The following ZNF485 variants were observed in gnomAD, a reference collection of about 807,000 sequenced individuals.
ZNF485 encodes the protein Zinc finger protein 93 (Zinc finger protein HTF34).
Under a neutral mutation model 10.8 loss-of-function variants are expected in ZNF485, and 9 were observed. The ratio of observed to expected loss-of-function variants is 0.83; its 90% CI spans 0.50 to 1.45. The LOEUF (loss-of-function observed/expected upper bound fraction) is 1.45, where lower values mean the gene tolerates loss of function less well. Among genes scored for constraint, ZNF485 ranks in the 40% most tolerant of loss-of-function variants. The pLI, the probability that ZNF485 is intolerant of heterozygous loss-of-function variation, is 0.00. For synonymous variants in ZNF485, 187 were observed against 181.0 expected (o/e 1.03, Z -0.27); for missense variants, 487 against 528.0 (o/e 0.92, Z 0.76).
Position 43,617,204 on chromosome 10 carries a change from T to G in ZNF485, c.1161T>G (p.Cys387Trp), listed in dbSNP as rs1415536403. 1.2e-6 allele frequency: 2 copies of G among 1,614,172 alleles called. No homozygotes were observed. The highest frequency in any genetic ancestry group is 1.7e-6 in the Non-Finnish European group (2 of 1,180,026). Residue 387 changes from cysteine (C) to tryptophan (W), a missense_variant, in exon 5 of 5, where the codon TGT (cysteine) becomes TGG (tryptophan). By Grantham distance (215) the Cys-to-Trp change is radical. Transcript: ENST00000361807. ...TGEKPYHCKK[C>W]GKAFRHSSGL... is the part of the protein sequence containing the mutation. ...AAAAACCCTATCACTGTAAGAAATG[T>G]GGGAAAGCCTTTCGGCACAGCTCAG...
chr10:43,616,980 CTTA>C lies in ZNF485; in HGVS notation c.941_943del (p.Ile314del). The C allele has an allele frequency of 6.2e-7, 1 of 1,614,138 alleles. No individual in the cohort carries two copies. The highest frequency in any genetic ancestry group is 1.1e-5 in the South Asian group (1 of 91,084). Reference sequence around the variant, plus strand: ...AAAAGCCTTTAGGAAGAGCTCAACTCTTATTAGTCACCAAAGAATGCATACTGG... The same window carrying C: ...AAAAGCCTTTAGGAAGAGCTCAACTCTTAGTCACCAAAGAATGCATACTGG... On this transcript the variant is annotated inframe_deletion, in exon 5 of 5. Transcript: ENST00000361807.
chr10:43,613,099 TA>T (rs1489545126), intron 4 of ZNF485, among the ~76,000 whole-genome samples: 1 of 152,198 alleles, frequency 6.6e-6, no homozygotes, highest in Non-Finnish European at 1.5e-5. Context: ...CTCCTTTTCT[TA>T]AAGCCTTTAA....
At position 43,617,609 on chromosome 10, in the gene ZNF485, C is replaced by T; in HGVS notation, c.*240C>T. 1 of 370,212 alleles carries T rather than the reference C, an allele frequency of 2.7e-6. No individual in the cohort carries two copies. The highest frequency in any genetic ancestry group is 4.9e-6 in the Non-Finnish European group (1 of 206,066). The allele number at this position is 370,212 out of a possible 1,614,324, so 22.9% of individuals were successfully genotyped here. ...ATGAGGTGGAGCTGTAAATACTGTA[C>T]AAAGCCAGGCATGGTGGCATATGCC... On this transcript the variant is annotated 3_prime_UTR_variant, in exon 5 of 5. Coordinates refer to ENST00000361807, the MANE Select transcript of ZNF485 (RefSeq NM_145312.4).
intron 1 of ZNF485, 56 bp downstream of exon 1, chr10:43,606,602 T>G: frequency 7.1e-6 from 2 of 282,020 alleles, no homozygotes; most frequent in Non-Finnish European, 1.3e-5. Context: ...CCCTGGCGGG[T>G]GCTCCCCGCC....
At position 43,606,884 on chromosome 10, in the gene ZNF485, C is replaced by T. The variant is rs1838657955; in HGVS notation, c.-54-113C>T. ...TTCTTCCCGAGCGTACCCACCTGGA[C>T]CTGTCTGCCCACCTGTGGAGGGAAC... On this transcript the variant is annotated intron_variant, in intron 1 of 4. Coordinates refer to ENST00000361807, the MANE Select transcript of ZNF485 (RefSeq NM_145312.4). 9 of 743,350 alleles carry T rather than the reference C, an allele frequency of 1.2e-5. No individual in the cohort carries two copies. In the South Asian group the frequency reaches 1.4e-4, roughly 11 times the overall value. The allele number at this position is 743,350 out of a possible 1,614,324, so 46.0% of individuals were successfully genotyped here.
At position 43,616,840 on chromosome 10, in the gene ZNF485, G is replaced by C; in HGVS notation, c.797G>C (p.Gly266Ala). The C allele has an allele frequency of 6.2e-7, 1 of 1,614,144 alleles. No individual in the cohort carries two copies. Among genetic ancestry groups the C allele is most frequent in the Middle Eastern group, 1.6e-4 (1 of 6,062 alleles). The change falls in exon 5 of 5, where the codon GGA (glycine) becomes GCA (alanine). Residue 266 changes from glycine (G) to alanine (A), a missense_variant. Gly to Ala is a moderately conservative substitution (Grantham distance 60). Coordinates refer to ENST00000361807, the MANE Select transcript of ZNF485 (RefSeq NM_145312.4). ...ALTRHERIHS[G>A]EKPFKCNKCG... ...ACTCGTCATGAAAGAATACATAGTG[G>C]AGAGAAGCCTTTTAAATGTAACAAG... is the stretch of plus-strand genomic sequence containing the variant.
At position 43,607,006 on chromosome 10, in the gene ZNF485, C is replaced by G. The variant is rs150117643; in HGVS notation, c.-45C>G. 3.9e-6 allele frequency: 6 copies of G among 1,551,140 alleles called. No individual in the cohort carries two copies. The highest frequency in any genetic ancestry group is 3.9e-5 in the Admixed American group (2 of 50,990). On this transcript the variant is annotated 5_prime_UTR_variant, in exon 2 of 5. Coordinates refer to ENST00000361807, the MANE Select transcript of ZNF485 (RefSeq NM_145312.4). ...CTCTCTTCTTTCCCAGATTGACTTACGCAGGATTCTCAGCCCTTGCCTGGG... is the reference window on the plus strand; with the variant it reads ...CTCTCTTCTTTCCCAGATTGACTTAGGCAGGATTCTCAGCCCTTGCCTGGG...
At position 43,616,635 on chromosome 10, in the gene ZNF485, C is replaced by G. The variant is rs369409060; in HGVS notation, c.592C>G (p.His198Asp). The change falls in exon 5 of 5, where the codon CAC becomes GAC. Residue 198 changes from histidine (H) to aspartate (D), a missense_variant. Transcript: ENST00000361807. Reference protein sequence around the residue: ...CIECGKFLKKHSTFINHQRIH... With the variant: ...CIECGKFLKKDSTFINHQRIH... Reference sequence around the variant, plus strand: ...TGAATGTGGGAAGTTCCTGAAGAAGCACTCAACGTTTATCAACCATCAGAG... The same window carrying G: ...TGAATGTGGGAAGTTCCTGAAGAAGGACTCAACGTTTATCAACCATCAGAG... The G allele has an allele frequency of 5.6e-6, 9 of 1,614,042 alleles. No individual in the cohort carries two copies. The African/African-American group carries it at 1.2e-4, about 22-fold the overall frequency.
At chr10:43,614,322 T>C (rs1588841753) in intron 4 of ZNF485, among the ~76,000 whole-genome samples, 1 of 152,298 alleles carries the variant, frequency 6.6e-6, no homozygotes, top group East Asian at 1.9e-4. Context: ...GTACCATCCC[T>C]CTCTCTGTTG....
intron 4 of ZNF485, among the ~76,000 whole-genome samples, chr10:43,614,584 G>A (rs1006281314): frequency 9.2e-5 from 14 of 152,094 alleles, no homozygotes; most frequent in South Asian, 8.3e-4. Context: ...ATGAGCCACC[G>A]TGCCCAGCCC....
At position 43,617,562 on chromosome 10, in the gene ZNF485, T is replaced by C. The variant is rs1838890238; in HGVS notation, c.*193T>C. On this transcript the variant is annotated 3_prime_UTR_variant, in exon 5 of 5. Coordinates refer to ENST00000361807, the MANE Select transcript of ZNF485 (RefSeq NM_145312.4). Reference sequence around the variant, plus strand: ...TGTCAGTATGGAAGTAGTTATAGCATACTGTGTGCTAATTGAAAAGAATGA... The same window carrying C: ...TGTCAGTATGGAAGTAGTTATAGCACACTGTGTGCTAATTGAAAAGAATGA... 2.0e-6 allele frequency: 1 copy of C among 503,852 alleles called. No homozygotes were observed. The highest frequency in any genetic ancestry group is 3.5e-6 in the Non-Finnish European group (1 of 289,734). 31.2% of individuals were successfully genotyped at this position (503,852 alleles called of 1,614,324 possible). A position where few individuals can be genotyped will look rare whatever the true frequency, so the allele number is the denominator to read the frequency against.
At chr10:43,607,249 A>G (rs1838670216) in intron 2 of ZNF485, 175 bp downstream of exon 2, 1 of 712,148 alleles carries the variant, frequency 1.4e-6, no homozygotes, top group South Asian at 1.8e-5. Flanking sequence ...CACCAAGTAG[A>G]TTATTGCTAC....
At chr10:43,614,458 C>G (rs1396950254) in intron 4 of ZNF485, among the ~76,000 whole-genome samples, 1 of 152,012 alleles carries the variant, frequency 6.6e-6, no homozygotes, top group African/African-American at 2.4e-5. Context: ...TAATTCAAAA[C>G]ATGTTTTTTT....
At chr10:43,613,563 C>T (rs560304927) in intron 4 of ZNF485, among the ~76,000 whole-genome samples, 73 of 152,348 alleles carry the variant, frequency 4.8e-4, no homozygotes, top group African/African-American at 1.7e-3. Context: ...AATCACTGTT[C>T]TAGAGTGACT....
intron 3 of ZNF485, 26 bp from the exon 4 acceptor site, chr10:43,609,229 C>G (rs766406641): frequency 6.4e-7 from 1 of 1,571,176 alleles, no homozygotes; most frequent in South Asian, 1.1e-5. Context: ...TTTTCTTCCT[C>G]TAAGATCCTT....
chr10:43,611,312 C>T (rs1838763453), intron 4 of ZNF485, among the ~76,000 whole-genome samples: 1 of 152,280 alleles, frequency 6.6e-6, no homozygotes, highest in African/African-American at 2.4e-5. Flanking sequence ...AAGCAATCCT[C>T]TTGCCTCAGT....
chr10:43,617,491 T>C lies in ZNF485; in HGVS notation c.*122T>C, dbSNP rs1165007931. 4.0e-6 allele frequency: 3 copies of C among 743,916 alleles called. No homozygotes were observed. The highest frequency in any genetic ancestry group is 2.2e-5 in the South Asian group (1 of 44,476). 46.1% of individuals were successfully genotyped at this position (743,916 alleles called of 1,614,324 possible). A position where few individuals can be genotyped will look rare whatever the true frequency, so the allele number is the denominator to read the frequency against. ...GAGAACACATCACTTGTGAGGATAT[T>C]CATTGTGAGGTTCTACTAGTGAAAT... is the stretch of plus-strand genomic sequence containing the variant. On this transcript the variant is annotated 3_prime_UTR_variant, in exon 5 of 5. Coordinates refer to ENST00000361807, the MANE Select transcript of ZNF485 (RefSeq NM_145312.4).
intron 2 of ZNF485, 119 bp downstream of exon 2, chr10:43,607,193 G>A: frequency 8.4e-7 from 1 of 1,196,574 alleles, no homozygotes. Context: ...ACCAATCCTG[G>A]ATGGGTCCCG....
At chr10:43,610,813 T>C (rs1197399375) in intron 4 of ZNF485, among the ~76,000 whole-genome samples, 1 of 152,156 alleles carries the variant, frequency 6.6e-6, no homozygotes, top group East Asian at 1.9e-4. Context: ...TGGTATGCAG[T>C]CTCCTTCACA....
Sources: gnomAD v4.1 joint callset for allele counts (sites outside exome capture counted in the v4.1 genomes callset) on GRCh38, gnomAD v4.1.1 for gene constraint, MANE v1.5 for transcripts, NCBI Gene and HGNC (gene_info 2026-07-23, HGNC 2026-07-21) for gene names.